Variants in MPHOSPH9 observed in about 807,000 individuals in gnomAD.
The protein encoded by MPHOSPH9 is M-phase phosphoprotein 9.
A neutral mutation model predicts 145.5 loss-of-function variants in MPHOSPH9; 88 were observed. The observed-to-expected ratio is 0.60, with a 90% CI of 0.51 to 0.72. The LOEUF (loss-of-function observed/expected upper bound fraction) is 0.72, where lower values mean the gene tolerates loss of function less well. MPHOSPH9 is among the 30% of genes least tolerant of loss of function. The pLI is 0.00. For missense variants in MPHOSPH9, 1,238 were observed against 1,386.6 expected (o/e 0.89, Z 1.70); for synonymous variants, 435 against 486.2 (o/e 0.89, Z 1.39).
intron 13 of MPHOSPH9, among the ~76,000 whole-genome samples, chr12:123,192,840 C>T (rs2138231588): frequency 6.6e-6 from 1 of 151,332 alleles, no homozygotes; most frequent in South Asian, 2.1e-4. Context: ...CCTGTAATCC[C>T]GCACTCAGGT....
rs977686771 is a variant in MPHOSPH9 at position 123,159,399 on chromosome 12, G to C, written c.3450+1382C>G. On this transcript the variant is annotated intron_variant, in intron 23 of 23. Coordinates refer to ENST00000606320, the MANE Select transcript of MPHOSPH9 (RefSeq NM_022782.4). This position sits in a 1 kb window ranked among gnomAD's most constrained non-coding sequence, Gnocchi z 4.3. Reference sequence around the variant, plus strand: ...AGGCTGGTCTTGAACTCCTGACCTCGTGATCCGCCCACCTCGGCCTCCCAA... The same window carrying C: ...AGGCTGGTCTTGAACTCCTGACCTCCTGATCCGCCCACCTCGGCCTCCCAA... 6.6e-6 allele frequency among the ~76,000 whole-genome samples: 1 copy of C among 151,694 alleles called. No homozygotes were observed. Among genetic ancestry groups the C allele is most frequent in the Non-Finnish European group, 1.5e-5 (1 of 67,904 alleles).
intron 16 of MPHOSPH9, among the ~76,000 whole-genome samples, chr12:123,173,412 T>C (rs142285799): frequency 4.6e-5 from 7 of 152,296 alleles, no homozygotes; most frequent in Admixed American, 4.6e-4. Flanking sequence ...CTGTCTTCCT[T>C]TTACCTTACC....
intron 1 of MPHOSPH9, among the ~76,000 whole-genome samples, chr12:123,232,633 T>C (rs1052918255): frequency 1.3e-5 from 2 of 152,030 alleles, no homozygotes; most frequent in African/African-American, 2.4e-5. Flanking sequence ...CAGCCCGCAA[T>C]GGCTGGTGGC....
At chr12:123,220,421 G>C (rs937596843) in intron 5 of MPHOSPH9, among the ~76,000 whole-genome samples, 2 of 151,218 alleles carry the variant, frequency 1.3e-5, no homozygotes, top group Non-Finnish European at 2.9e-5. Context: ...AAAATTAGCC[G>C]GGTGTGGTGG....
At chr12:123,237,123 A>G (rs2047863705), upstream of MPHOSPH9, among the ~76,000 whole-genome samples, 1 of 151,940 alleles carries the variant, frequency 6.6e-6, no homozygotes. Flanking sequence ...CACAAATAGC[A>G]CAGGTGTAAT....
intron 3 of MPHOSPH9, among the ~76,000 whole-genome samples, chr12:123,224,930 C>T (rs2047375197): frequency 6.6e-6 from 1 of 152,132 alleles, no homozygotes; most frequent in Non-Finnish European, 1.5e-5. Context: ...TGAGTACATA[C>T]AGGTAAACAT....
chr12:123,173,155 C>T (rs575226052), intron 16 of MPHOSPH9, among the ~76,000 whole-genome samples: 29 of 151,866 alleles, frequency 1.9e-4, no homozygotes, highest in African/African-American at 5.5e-4. Flanking sequence ...GGATTAAAGG[C>T]GTGAGCCACC....
At chr12:123,172,852 A>T in intron 16 of MPHOSPH9, among the ~76,000 whole-genome samples, 1 of 103,828 alleles carries the variant, frequency 9.6e-6, no homozygotes, top group Admixed American at 1.1e-4. Flanking sequence ...CAGCTGTTAG[A>T]CTTTCAGGTT....
chr12:123,167,940 C>T (rs1471787863), intron 16 of MPHOSPH9, among the ~76,000 whole-genome samples: 4 of 152,174 alleles, frequency 2.6e-5, no homozygotes, highest in African/African-American at 9.7e-5. Context: ...CTCAGCCAGC[C>T]ACCTCAGAGG....
rs754254485 is a variant in MPHOSPH9 at position 123,161,373 on chromosome 12, A to G, written c.3144T>C (p.Tyr1048=). ...LPLDDSEEKT[Y]SEKATDNHVN... ...CATGGTTATCGGTGGCTTTCTCAGA[A>G]TAAGTTTTTTCTGTCAGAGAGGAGA... Residue 1048 remains tyrosine, a synonymous_variant, in exon 22 of 24, where the codon TAT becomes TAC. Coordinates refer to ENST00000606320, the MANE Select transcript of MPHOSPH9 (RefSeq NM_022782.4). 17 of 1,613,926 alleles carry G rather than the reference A, an allele frequency of 1.1e-5. No individual in the cohort carries two copies. Among genetic ancestry groups the G allele is most frequent in the Non-Finnish European group, 5.9e-6 (7 of 1,179,980 alleles).
intron 13 of MPHOSPH9, among the ~76,000 whole-genome samples, chr12:123,187,119 G>A (rs1356600410): frequency 6.6e-6 from 1 of 152,002 alleles, no homozygotes; most frequent in African/African-American, 2.4e-5. Context: ...AAACTAGCCG[G>A]GTGTTGTGGT....
At position 123,176,771 on chromosome 12, in the gene MPHOSPH9, T is replaced by C. The variant is rs763532564; in HGVS notation, c.2373A>G (p.Glu791=). The C allele has an allele frequency of 8.7e-6, 14 of 1,612,950 alleles. No individual in the cohort carries two copies. Among genetic ancestry groups the C allele is most frequent in the Non-Finnish European group, 1.1e-5 (13 of 1,179,286 alleles). ...CATGTTCTACTTGCTTGACCTGAGC[T>C]TCAAGTTTTGAAATCATTCTAATTC... ...SDLKRMISKL[E]AQVKQVEHEN... is the part of the protein sequence containing the mutation. Residue 791 remains glutamate, a synonymous_variant, in exon 16 of 24, where the codon GAA becomes GAG. Transcript: ENST00000606320.
intron 5 of MPHOSPH9, among the ~76,000 whole-genome samples, 178 bp from the exon 6 acceptor site, chr12:123,218,677 C>T (rs112934839): frequency 0.014 from 2,085 of 152,160 alleles, 37 homozygotes; most frequent in South Asian, 0.056. Flanking sequence ...AGACGCACTA[C>T]CTCGCCCAGC....
rs772341975 is a variant in MPHOSPH9 at position 123,221,636 on chromosome 12, C to T, written c.608G>A (p.Cys203Tyr). ...CSVSSGYGTF[C>Y]ISELNLYKSK... is the part of the protein sequence containing the mutation. ...TTTGTACAGATTTAATTCTGAGATA[C>T]AAAAGGTGCCATATCCACTGCTTAC... The change falls in exon 5 of 24, where the codon TGT becomes TAT. Residue 203 changes from cysteine to tyrosine, a missense_variant. Coordinates refer to ENST00000606320, the MANE Select transcript of MPHOSPH9 (RefSeq NM_022782.4). The T allele has an allele frequency of 3.7e-6, 6 of 1,614,056 alleles. No individual in the cohort carries two copies. The highest frequency in any genetic ancestry group is 1.7e-6 in the Non-Finnish European group (2 of 1,180,036).
downstream of MPHOSPH9, among the ~76,000 whole-genome samples, chr12:123,153,757 T>G (rs1239717118): frequency 1.2e-4 from 8 of 64,604 alleles, no homozygotes; most frequent in Admixed American, 6.9e-4. Flanking sequence ...AACTAGAGAC[T>G]CCATCTCAAA....
intron 21 of MPHOSPH9, among the ~76,000 whole-genome samples, chr12:123,161,731 A>C (rs1474128348): frequency 1.3e-5 from 2 of 152,116 alleles, no homozygotes; most frequent in Non-Finnish European, 2.9e-5. Context: ...CCAACACTAA[A>C]CAGTTAATGT....
At position 123,162,180 on chromosome 12, in the gene MPHOSPH9, A is replaced by C; in HGVS notation, c.3068T>G (p.Val1023Gly). ...TGGATTGGTACGTTGTAATGTAGAC[A>C]CAGGAACAGTATCTAAATCATCCAA... ...ILLDDLDTVP[V>G]STLQRTNPRK... The change falls in exon 21 of 24, where the codon GTG becomes GGG. Residue 1023 changes from valine to glycine, a missense_variant. Around this residue, in one of 3 missense-constraint regions of MPHOSPH9, gnomAD observed 393 missense variants for 462.5 expected, o/e 0.85. Coordinates refer to ENST00000606320, the MANE Select transcript of MPHOSPH9 (RefSeq NM_022782.4). The C allele has an allele frequency of 1.3e-6, 2 of 1,576,428 alleles. No homozygotes were observed. Among genetic ancestry groups the C allele is most frequent in the East Asian group, 2.3e-5 (1 of 44,038 alleles).
In MPHOSPH9 at chr12:123,156,385, G is replaced by A. The variant is rs988123387; in HGVS notation, c.*422C>T. 6.4e-6 allele frequency: 1 copy of A among 155,364 alleles called. No individual in the cohort carries two copies. The highest frequency in any genetic ancestry group is 1.4e-5 in the Non-Finnish European group (1 of 69,744). 9.6% of individuals were successfully genotyped at this position (155,364 alleles called of 1,614,324 possible). A position where few individuals can be genotyped will look rare whatever the true frequency, so the allele number is the denominator to read the frequency against. ...CTGTAATTGTTTATGTATTCAGCAT[G>A]TACTAGTCTATCATTATGGAAGCTA... On this transcript the variant is annotated 3_prime_UTR_variant, in exon 24 of 24. Coordinates refer to ENST00000606320, the MANE Select transcript of MPHOSPH9 (RefSeq NM_022782.4).
At chr12:123,172,693 A>G (rs1345853141) in intron 16 of MPHOSPH9, among the ~76,000 whole-genome samples, 1 of 152,142 alleles carries the variant, frequency 6.6e-6, no homozygotes, top group Non-Finnish European at 1.5e-5. Context: ...AAGAATGTAG[A>G]AACCATTCTT....
Sources: gnomAD v4.1 joint callset for allele counts (sites outside exome capture counted in the v4.1 genomes callset) on GRCh38, gnomAD v4.1.1 for gene constraint, gnomAD v4.1.1 regional missense constraint, Gnocchi (gnomAD v3.1) non-coding constraint, MANE v1.5 for transcripts, NCBI Gene and HGNC (gene_info 2026-07-23, HGNC 2026-07-21) for gene names.